KLF12: variants seen among roughly 807,000 people sequenced by gnomAD.
The protein encoded by KLF12 is Krueppel-like factor 12.
In KLF12, 9 loss-of-function variants were observed where a neutral mutation model predicts 37.8. The observed-to-expected ratio is 0.24, with a 90% CI of 0.14 to 0.42. The LOEUF is 0.42. KLF12 is among the 10% of genes least tolerant of loss of function. The probability of loss-of-function intolerance (pLI) is 1.00; values close to 1 mark genes in which losing one functional copy is unlikely to be tolerated. For missense variants in KLF12, 411 were observed against 516.0 expected (o/e 0.80, Z 1.97); for synonymous variants, 208 against 202.1 (o/e 1.03, Z -0.25).
intron 6 of KLF12, among the ~76,000 whole-genome samples, chr13:73,738,113 A>ATC: frequency 1.5e-5 from 1 of 67,336 alleles, no homozygotes; most frequent in East Asian, 2.5e-4. Context: ...ATATATATAT[A>ATC]TATATATATA....
intron 5 of KLF12, chr13:73,801,639 C>T (rs962587515): frequency 2.6e-5 from 4 of 152,026 alleles, no homozygotes; most frequent in Non-Finnish European, 5.9e-5. Flanking sequence ...AAAAAAGCTA[C>T]AGGAAGATAT....
At chr13:74,101,886 C>T (rs920454508) in intron 1 of KLF12, among the ~76,000 whole-genome samples, 1 of 152,192 alleles carries the variant, frequency 6.6e-6, no homozygotes, top group Non-Finnish European at 1.5e-5. Flanking sequence ...GCAACGATCA[C>T]TGTGGTGGCT....
intron 2 of KLF12, among the ~76,000 whole-genome samples, chr13:73,987,115 T>C (rs1016516615): frequency 1.3e-5 from 2 of 152,216 alleles, no homozygotes; most frequent in African/African-American, 2.4e-5. Context: ...AATTGGAATT[T>C]TGAGAAACTT....
intron 3 of KLF12, among the ~76,000 whole-genome samples, chr13:73,906,905 T>C (rs1276165148): frequency 6.6e-6 from 1 of 152,158 alleles, no homozygotes; most frequent in Non-Finnish European, 1.5e-5. Context: ...TTCAAAACTT[T>C]CCTCCTTATT....
At chr13:74,229,837 C>A in the KLF12 span, among the ~76,000 whole-genome samples, 2 of 152,094 alleles carry the variant, frequency 1.3e-5, no homozygotes, top group African/African-American at 4.8e-5. Context: ...GTCCCGTCTC[C>A]CCAGTGTTAC....
chr13:74,285,111 A>T, the KLF12 span, among the ~76,000 whole-genome samples: 34 of 152,250 alleles, frequency 2.2e-4, no homozygotes, highest in African/African-American at 7.7e-4. Flanking sequence ...TCTTGTGGGC[A>T]TGTGAAATTC....
At chr13:73,842,881 C>G (rs1884813308) in intron 4 of KLF12, among the ~76,000 whole-genome samples, 1 of 152,114 alleles carries the variant, frequency 6.6e-6, no homozygotes, top group Non-Finnish European at 1.5e-5. Context: ...ATGCCCTTTC[C>G]TTTATTCATT....
intron 1 of KLF12, among the ~76,000 whole-genome samples, chr13:74,065,860 T>C (rs1006484555): frequency 8.6e-5 from 13 of 151,960 alleles, no homozygotes; most frequent in African/African-American, 2.9e-4. Context: ...TAACTGGAGT[T>C]AGAATCTCAA....
At chr13:73,896,876 C>T (rs1034439201) in intron 3 of KLF12, among the ~76,000 whole-genome samples, 3 of 152,058 alleles carry the variant, frequency 2.0e-5, no homozygotes, top group Admixed American at 6.5e-5. Flanking sequence ...GTATTTGGAA[C>T]GTTGAAGACT....
the KLF12 span, among the ~76,000 whole-genome samples, chr13:74,193,512 C>T: frequency 6.6e-6 from 1 of 152,168 alleles, no homozygotes; most frequent in African/African-American, 2.4e-5. Context: ...ACTTCCATTC[C>T]TATGCTATGC....
At chr13:73,878,287 T>C (rs150266839) in intron 3 of KLF12, among the ~76,000 whole-genome samples, 24 of 152,230 alleles carry the variant, frequency 1.6e-4, no homozygotes, top group African/African-American at 5.5e-4. Context: ...CATAAAATTA[T>C]ACAAAGGCTA....
chr13:74,060,496 G>GTGTGTGTGTGTGTGTC (rs1555336656), intron 1 of KLF12, among the ~76,000 whole-genome samples: 2,690 of 141,958 alleles, frequency 0.019, 40 homozygotes, highest in Middle Eastern at 0.028. Flanking sequence ...GTGTGTGTGT[G>GTGTGTGTGTGTGTGTC]TGTGTGTGTG....
chr13:74,058,428 C>T (rs1216074983), intron 1 of KLF12, among the ~76,000 whole-genome samples: 1 of 142,372 alleles, frequency 7.0e-6, no homozygotes, highest in Non-Finnish European at 1.5e-5. Context: ...ATCATCTCGG[C>T]TCACTGCAAG....
chr13:74,255,501 T>A, the KLF12 span, among the ~76,000 whole-genome samples: 6 of 152,350 alleles, frequency 3.9e-5, no homozygotes, highest in Admixed American at 2.0e-4. Flanking sequence ...CAGAATTTCA[T>A]TGAGCTTTCA....
chr13:74,050,280 A>G (rs1328599023), intron 1 of KLF12, among the ~76,000 whole-genome samples: 1 of 152,236 alleles, frequency 6.6e-6, no homozygotes, highest in African/African-American at 2.4e-5. Flanking sequence ...ATCTTCAGTT[A>G]TAGACCATAC....
At chr13:74,054,456 G>C (rs771836721) in intron 1 of KLF12, among the ~76,000 whole-genome samples, 3 of 152,178 alleles carry the variant, frequency 2.0e-5, no homozygotes, top group Non-Finnish European at 4.4e-5. Context: ...AGAGGACCAA[G>C]CCCGAGACCT....
chr13:73,978,644 G>A (rs2138161562), intron 2 of KLF12, among the ~76,000 whole-genome samples: 1 of 152,190 alleles, frequency 6.6e-6, no homozygotes, highest in East Asian at 1.9e-4. Context: ...CAGGCTTAAT[G>A]ATCTAGTAAT....
At chr13:74,123,281 G>A (rs999855757) in intron 1 of KLF12, among the ~76,000 whole-genome samples, 1 of 152,068 alleles carries the variant, frequency 6.6e-6, no homozygotes, top group African/African-American at 2.4e-5. Flanking sequence ...AAAAACTTAC[G>A]AAACTACATA....
chr13:74,270,774 A>G, the KLF12 span, among the ~76,000 whole-genome samples: 1 of 152,168 alleles, frequency 6.6e-6, no homozygotes, highest in African/African-American at 2.4e-5. Flanking sequence ...TGGGGCTGGT[A>G]TCTGAAGTCA....
Sources: gnomAD v4.1 joint callset for allele counts (sites outside exome capture counted in the v4.1 genomes callset) on GRCh38, gnomAD v4.1.1 for gene constraint, MANE v1.5 for transcripts, NCBI Gene and HGNC (gene_info 2026-07-23, HGNC 2026-07-21) for gene names.